WWP1: variants seen among roughly 807,000 people sequenced by gnomAD.
WWP1 encodes WW domain containing E3 ubiquitin protein ligase 1.
WWP1 carries 49 observed loss-of-function variants against 130.6 expected under a neutral mutation model. The observed-to-expected ratio is 0.38, with a 90% CI of 0.30 to 0.48. WWP1 has a LOEUF of 0.48. Among genes scored for constraint, WWP1 ranks in the 20% least tolerant of loss-of-function variants. The probability of loss-of-function intolerance (pLI) is 0.99; values close to 1 mark genes in which losing one functional copy is unlikely to be tolerated. For missense variants in WWP1, 809 were observed against 1,100.6 expected (o/e 0.74, Z 3.75); for synonymous variants, 332 against 367.8 (o/e 0.90, Z 1.11).
intron 5 of WWP1, chr8:86,386,824 C>T (rs1388376023): frequency 6.6e-6 from 1 of 152,134 alleles, no homozygotes; most frequent in Non-Finnish European, 1.5e-5. Flanking sequence ...AACATAAATA[C>T]ATTCATCACA....
intron 10 of WWP1, among the ~76,000 whole-genome samples, chr8:86,426,309 T>C (rs1398541572): frequency 6.6e-6 from 1 of 152,238 alleles, no homozygotes; most frequent in Admixed American, 6.5e-5. Flanking sequence ...TTGTCTTTAA[T>C]TTCATCTTTA....
At chr8:86,401,587 A>C (rs1335378252) in intron 7 of WWP1, among the ~76,000 whole-genome samples, 1 of 151,528 alleles carries the variant, frequency 6.6e-6, no homozygotes, top group Admixed American at 6.6e-5. Flanking sequence ...TTTATACTTG[A>C]TTTTTATTTT....
At chr8:86,348,106 G>A (rs1822693141) in intron 1 of WWP1, among the ~76,000 whole-genome samples, 1 of 152,152 alleles carries the variant, frequency 6.6e-6, no homozygotes, top group Non-Finnish European at 1.5e-5. Flanking sequence ...CTTTTTTAGG[G>A]AATGTATAAT....
chr8:86,389,898 CG>C (rs1296620513), intron 5 of WWP1, among the ~76,000 whole-genome samples: 6 of 151,280 alleles, frequency 4.0e-5, no homozygotes, highest in East Asian at 2.0e-4. Context: ...ACCTCCTGGA[CG>C]GGGCGGCTGC....
intron 18 of WWP1, among the ~76,000 whole-genome samples, chr8:86,444,960 C>T (rs1810779238): frequency 6.6e-6 from 1 of 152,088 alleles, no homozygotes; most frequent in Non-Finnish European, 1.5e-5. Flanking sequence ...TTTGACTGTG[C>T]AGGCTGTACA....
At chr8:86,463,744 C>T (rs1210620355) in intron 24 of WWP1, among the ~76,000 whole-genome samples, 4 of 151,866 alleles carry the variant, frequency 2.6e-5, no homozygotes, top group African/African-American at 4.8e-5. Flanking sequence ...TACAAAATGA[C>T]GCATGGGTAA....
intron 9 of WWP1, among the ~76,000 whole-genome samples, chr8:86,420,360 A>G (rs1809134460): frequency 1.3e-5 from 2 of 152,204 alleles, no homozygotes; most frequent in Admixed American, 1.3e-4. Flanking sequence ...GGAAGTGGAG[A>G]TAATTTTTCT....
intron 3 of WWP1, among the ~76,000 whole-genome samples, chr8:86,377,702 A>G (rs1824747443): frequency 6.6e-6 from 1 of 152,216 alleles, no homozygotes; most frequent in Non-Finnish European, 1.5e-5. Context: ...AGTAGCATAT[A>G]GAAGTGTATT....
chr8:86,462,784 A>G lies in WWP1; in HGVS notation c.2669+938A>G, dbSNP rs150141573. ...AATTTCTGCTTGTGGTGCAAAAGCA[A>G]TGGTTTGTGAACCTGCTTGTGCCTT... On this transcript the variant is annotated intron_variant, in intron 24 of 24. Coordinates refer to ENST00000517970, the MANE Select transcript of WWP1 (RefSeq NM_007013.4). Among the ~76,000 whole-genome samples, 299 of 152,240 alleles carry G rather than the reference A, an allele frequency of 2.0e-3. 3 individuals carry two copies. Among genetic ancestry groups the G allele is most frequent in the Middle Eastern group, 6.8e-3 (2 of 294 alleles).
In WWP1 at chr8:86,430,587, T is replaced by C. The variant is rs1241204696; in HGVS notation, c.1333-110T>C. 4.4e-6 allele frequency: 4 copies of C among 899,162 alleles called. No individual in the cohort carries two copies. The South Asian group carries it at 8.9e-5, about 20-fold the overall frequency. The allele number at this position is 899,162 out of a possible 1,614,324, so 55.7% of individuals were successfully genotyped here. On this transcript the variant is annotated intron_variant, in intron 11 of 24. Transcript: ENST00000517970. ...CCACTGCGCCCAACCCCTTATCATA[T>C]TTTTAGAAAATTATTATAAAATGTG...
intron 21 of WWP1, among the ~76,000 whole-genome samples, chr8:86,457,196 T>G (rs1434280889): frequency 6.6e-6 from 1 of 151,984 alleles, no homozygotes; most frequent in East Asian, 1.9e-4. Context: ...TTACTATACC[T>G]AAAATAATGT....
intron 20 of WWP1, among the ~76,000 whole-genome samples, chr8:86,449,620 A>G (rs1811065766): frequency 6.6e-6 from 1 of 152,270 alleles, no homozygotes; most frequent in African/African-American, 2.4e-5. Context: ...CACGTGAACT[A>G]CAGATGACGC....
intron 5 of WWP1, among the ~76,000 whole-genome samples, chr8:86,390,814 T>G (rs984066278): frequency 6.6e-6 from 1 of 152,126 alleles, no homozygotes; most frequent in South Asian, 2.1e-4. Context: ...AACCCAATAG[T>G]CTACCATATC....
At chr8:86,386,462 C>T (rs1016715828) in intron 5 of WWP1, among the ~76,000 whole-genome samples, 5 of 99,510 alleles carry the variant, frequency 5.0e-5, no homozygotes, top group East Asian at 3.4e-4. Flanking sequence ...CTTTCCTCCT[C>T]GTTCTTCTTT....
At chr8:86,361,637 A>G (rs1823604524) in intron 1 of WWP1, among the ~76,000 whole-genome samples, 2 of 152,154 alleles carry the variant, frequency 1.3e-5, no homozygotes, top group South Asian at 4.1e-4. Flanking sequence ...CTCTGGGCAC[A>G]GAATGCCTTG....
At chr8:86,348,625 T>C (rs1335346600) in intron 1 of WWP1, among the ~76,000 whole-genome samples, 1 of 152,230 alleles carries the variant, frequency 6.6e-6, no homozygotes, top group East Asian at 1.9e-4. Flanking sequence ...AGATGACAGA[T>C]ATGAAGCCTT....
intron 8 of WWP1, among the ~76,000 whole-genome samples, chr8:86,404,109 T>C (rs1808148858): frequency 6.6e-6 from 1 of 152,246 alleles, no homozygotes; most frequent in African/African-American, 2.4e-5. Flanking sequence ...ATTGACATGA[T>C]GCTGAAAGGA....
At chr8:86,458,585 T>C (rs1811581664) in intron 22 of WWP1, among the ~76,000 whole-genome samples, 1 of 152,208 alleles carries the variant, frequency 6.6e-6, no homozygotes, top group South Asian at 2.1e-4. Flanking sequence ...TGTGTGTTTA[T>C]TAGAGAATTT....
At chr8:86,446,490 C>T (rs1810887202) in intron 18 of WWP1, among the ~76,000 whole-genome samples, 2 of 147,992 alleles carry the variant, frequency 1.4e-5, no homozygotes, top group Admixed American at 6.8e-5. Context: ...TTAATTAGGT[C>T]CTATTTATCA....
Sources: gnomAD v4.1 joint callset for allele counts (sites outside exome capture counted in the v4.1 genomes callset) on GRCh38, gnomAD v4.1.1 for gene constraint, MANE v1.5 for transcripts, NCBI Gene and HGNC (gene_info 2026-07-23, HGNC 2026-07-21) for gene names.